The following RIMBP2 variants were observed in gnomAD, a reference collection of about 807,000 sequenced individuals.
RIMBP2 encodes the protein RIMS-binding protein 2.
A neutral mutation model predicts 118.6 loss-of-function variants in RIMBP2; 48 were observed. That is an observed-to-expected ratio of 0.40 (90% CI 0.32 to 0.51). The LOEUF is 0.51. Among genes scored for constraint, RIMBP2 ranks in the 20% least tolerant of loss-of-function variants. RIMBP2 has a pLI of 0.41. For synonymous variants in RIMBP2, 762 were observed against 742.9 expected, an observed-to-expected ratio of 1.03 and a Z score of -0.42; for missense variants, 1,551 against 1,768.3, an observed-to-expected ratio of 0.88 and a Z score of 2.20.
chr12:130,474,109 G>A (rs958859616), intron 5 of RIMBP2, among the ~76,000 whole-genome samples: 3 of 152,166 alleles, frequency 2.0e-5, no homozygotes, highest in Non-Finnish European at 4.4e-5. Flanking sequence ...GCAACGGAGC[G>A]CAGCCGGACC....
chr12:130,439,812 TGG>T (rs1410089838), intron 11 of RIMBP2, among the ~76,000 whole-genome samples: 1 of 113,046 alleles, frequency 8.8e-6, no homozygotes, highest in Non-Finnish European at 1.8e-5. Flanking sequence ...TGTGAGTCTG[TGG>T]GGGTGTCTGT....
intron 2 of RIMBP2, among the ~76,000 whole-genome samples, chr12:130,593,353 C>T (rs771535348): frequency 6.6e-6 from 1 of 152,268 alleles, no homozygotes; most frequent in Admixed American, 6.5e-5. Flanking sequence ...ACCTCCTCCA[C>T]ATACCCAAGG....
intron 1 of RIMBP2, among the ~76,000 whole-genome samples, chr12:130,714,811 C>T (rs767842080): frequency 2.2e-4 from 34 of 152,208 alleles, no homozygotes; most frequent in Non-Finnish European, 4.6e-4. Flanking sequence ...TCATGTCTCA[C>T]AGGACAAGCC....
intron 2 of RIMBP2, among the ~76,000 whole-genome samples, chr12:130,539,610 C>A (rs113803174): frequency 8.1e-3 from 1,132 of 139,226 alleles, no homozygotes; most frequent in African/African-American, 0.03. Context: ...CAAATGCAGT[C>A]GATGAGGTGG....
rs1390957785 is a variant in RIMBP2, at chr12:130,523,659, T to G, written c.-216-5742A>C. ...CGTTCTTTCAATAAACTTGTCAATT[T>G]TATTCATTTCAATAATCCCTCCACC... On this transcript the variant is annotated intron_variant, in intron 2 of 22. Transcript: ENST00000690449. The surrounding 1 kb of genome is among the most constrained non-coding windows in gnomAD (Gnocchi z 4.4). Among the ~76,000 whole-genome samples, 1 of 152,166 alleles carries G rather than the reference T, an allele frequency of 6.6e-6. No homozygotes were observed. Among genetic ancestry groups the G allele is most frequent in the East Asian group, 1.9e-4 (1 of 5,186 alleles).
At chr12:130,656,626 G>A (rs989694568) in intron 1 of RIMBP2, among the ~76,000 whole-genome samples, 2 of 152,068 alleles carry the variant, frequency 1.3e-5, no homozygotes, top group African/African-American at 4.8e-5. Flanking sequence ...CTCCGCTTGT[G>A]AGCGACCTCC....
At chr12:130,624,944 C>T (rs2061533765) in intron 2 of RIMBP2, among the ~76,000 whole-genome samples, 2 of 152,148 alleles carry the variant, frequency 1.3e-5, no homozygotes, top group Non-Finnish European at 1.5e-5. Context: ...AGGCTAGTCT[C>T]AAACTCCTGA....
At chr12:130,562,804 G>A (rs1413123819) in intron 2 of RIMBP2, among the ~76,000 whole-genome samples, 2 of 152,250 alleles carry the variant, frequency 1.3e-5, no homozygotes, top group Admixed American at 6.5e-5. Flanking sequence ...AAGCAACCAA[G>A]TGCCTTCTCA....
rs540367474 is a variant in RIMBP2 at position 130,424,864 on chromosome 12, G to C, written c.2413-6C>G. On this transcript the variant is annotated splice_region_variant and splice_polypyrimidine_tract_variant and intron_variant, in intron 15 of 22. Coordinates refer to ENST00000690449, the MANE Select transcript of RIMBP2 (RefSeq NM_001393629.1). The surrounding 1 kb of genome is among the most constrained non-coding windows in gnomAD (Gnocchi z 9.8). ...GTCCTATGGTCAGTGCAGTCCTTAC[G>C]GGGTGGTGTGTCAAGAACAGGCGCG... The C allele has an allele frequency of 3.5e-5, 43 of 1,230,794 alleles. No individual in the cohort carries two copies. The highest frequency in any genetic ancestry group is 3.5e-5 in the Non-Finnish European group (35 of 986,796). The allele number at this position is 1,230,794 out of a possible 1,614,324, so 76.2% of individuals were successfully genotyped here. A position where few individuals can be genotyped will look rare whatever the true frequency, so the allele number is the denominator to read the frequency against.
chr12:130,478,663 C>T (rs991244714), intron 5 of RIMBP2, among the ~76,000 whole-genome samples: 3 of 152,188 alleles, frequency 2.0e-5, no homozygotes, highest in Admixed American at 6.5e-5. Context: ...GTGTTTTTCC[C>T]GACAACCTCA....
chr12:130,423,450 A>C (rs990607223), intron 16 of RIMBP2, among the ~76,000 whole-genome samples: 2 of 152,212 alleles, frequency 1.3e-5, no homozygotes, highest in African/African-American at 4.8e-5. Flanking sequence ...TTCAATGAAA[A>C]GGTCAGCATG....
At chr12:130,552,611 T>A (rs1410664779) in intron 2 of RIMBP2, among the ~76,000 whole-genome samples, 1 of 152,214 alleles carries the variant, frequency 6.6e-6, no homozygotes, top group African/African-American at 2.4e-5. Context: ...CACTAGAAAT[T>A]CATGCAGCAA....
intron 1 of RIMBP2, among the ~76,000 whole-genome samples, chr12:130,649,527 G>C (rs886248268): frequency 6.6e-6 from 1 of 152,240 alleles, no homozygotes; most frequent in African/African-American, 2.4e-5. Context: ...CCTCCGCTGA[G>C]AAGTGGCTTC....
At chr12:130,479,389 T>C (rs565076827) in intron 4 of RIMBP2, among the ~76,000 whole-genome samples, 10 of 152,346 alleles carry the variant, frequency 6.6e-5, no homozygotes, top group African/African-American at 1.7e-4. Context: ...CAAAGGCTTA[T>C]TGATGCTGCC....
chr12:130,534,390 G>C (rs2053800403), intron 2 of RIMBP2, among the ~76,000 whole-genome samples: 1 of 151,870 alleles, frequency 6.6e-6, no homozygotes, highest in Non-Finnish European at 1.5e-5. Context: ...GAGGTGGGAG[G>C]ACCACGAGGT....
chr12:130,657,126 G>A (rs1049522934), intron 1 of RIMBP2, among the ~76,000 whole-genome samples: 2 of 152,128 alleles, frequency 1.3e-5, no homozygotes, highest in African/African-American at 4.8e-5. Context: ...TCAAACTCCT[G>A]GGCTGAAGCA....
intron 15 of RIMBP2, chr12:130,426,833 G>C (rs2076824347): frequency 1.3e-5 from 2 of 152,060 alleles, no homozygotes; most frequent in African/African-American, 4.8e-5. Context: ...CAAAAGGAAA[G>C]GCATCAGGGG....
chr12:130,505,174 C>T (rs75264481), intron 4 of RIMBP2, among the ~76,000 whole-genome samples: 6,212 of 152,284 alleles, frequency 0.041, 208 homozygotes, highest in Middle Eastern at 0.099. Context: ...ACTTAGAGCA[C>T]ACAGTGAGAA....
In RIMBP2 at chr12:130,576,724, G is replaced by A. The variant is rs769624691; in HGVS notation, c.-217+51598C>T. 3.3e-5 allele frequency among the ~76,000 whole-genome samples: 5 copies of A among 152,202 alleles called. No homozygotes were observed. The highest frequency in any genetic ancestry group is 5.9e-5 in the Non-Finnish European group (4 of 68,032). ...GCCAGCAGCAGCGAGGAGGAGCCCC[G>A]CCGAGCGCCGAGAGGCATATGTGCG... On this transcript the variant is annotated intron_variant, in intron 2 of 22. Coordinates refer to ENST00000690449, the MANE Select transcript of RIMBP2 (RefSeq NM_001393629.1). This position sits in a 1 kb window ranked among gnomAD's most constrained non-coding sequence, Gnocchi z 4.2.
Sources: gnomAD v4.1 joint callset for allele counts (sites outside exome capture counted in the v4.1 genomes callset) on GRCh38, gnomAD v4.1.1 for gene constraint, Gnocchi (gnomAD v3.1) non-coding constraint, MANE v1.5 for transcripts, NCBI Gene and HGNC (gene_info 2026-07-23, HGNC 2026-07-21) for gene names.